CACNA1C: variants seen among roughly 807,000 people sequenced by gnomAD.
The protein encoded by CACNA1C is voltage-dependent L-type calcium channel subunit alpha-1C.
Under a neutral mutation model 229.0 loss-of-function variants are expected in CACNA1C, and 30 were observed. That is an observed-to-expected ratio of 0.13 (90% CI 0.10 to 0.18). The LOEUF (loss-of-function observed/expected upper bound fraction) is 0.18, where lower values mean the gene tolerates loss of function less well. CACNA1C is among the 10% of genes least tolerant of loss of function. CACNA1C has a pLI of 1.00. For synonymous variants in CACNA1C, 1,114 were observed against 1,132.5 expected (o/e 0.98, Z 0.33); for missense variants, 1,658 against 2,845.0 (o/e 0.58, Z 9.49).
intron 1 of CACNA1C, among the ~76,000 whole-genome samples, chr12:1,995,007 G>T (rs1272198051): frequency 6.6e-6 from 1 of 150,414 alleles, no homozygotes; most frequent in Non-Finnish European, 1.5e-5. Context: ...TTTTGCAGGG[G>T]ATAAGGGAGG....
chr12:2,513,697 A>T (rs1016392068), intron 9 of CACNA1C, among the ~76,000 whole-genome samples: 2 of 152,202 alleles, frequency 1.3e-5, no homozygotes, highest in African/African-American at 4.8e-5. Context: ...TCAGGCTCTT[A>T]CCAGACTAGC....
At chr12:2,125,127 G>A (rs1024397045) in intron 3 of CACNA1C, among the ~76,000 whole-genome samples, 7 of 152,248 alleles carry the variant, frequency 4.6e-5, no homozygotes, top group Admixed American at 6.5e-5. Flanking sequence ...TGTCAGGAAG[G>A]CTTAGCCTGA....
Position 2,512,755 on chromosome 12 carries a change from C to A in CACNA1C, c.1218-57C>A. 7.4e-7 allele frequency: 1 copy of A among 1,345,798 alleles called. No homozygotes were observed. Among genetic ancestry groups the A allele is most frequent in the Non-Finnish European group, 1.0e-6 (1 of 985,366 alleles). The allele number at this position is 1,345,798 out of a possible 1,614,324, so 83.4% of individuals were successfully genotyped here. On this transcript the variant is annotated intron_variant, in intron 8 of 46. Coordinates refer to ENST00000399655, the MANE Select transcript of CACNA1C (RefSeq NM_000719.7). The surrounding 1 kb of genome is among the most constrained non-coding windows in gnomAD (Gnocchi z 4.3). ...CTCTCCTTCCATCCTCGACCCTTCT[C>A]GGTGCTCCCTCCTTCTCTGTGCTCT...
At chr12:2,522,511 G>A (rs538993885) in intron 9 of CACNA1C, among the ~76,000 whole-genome samples, 10 of 152,302 alleles carry the variant, frequency 6.6e-5, no homozygotes, top group South Asian at 4.1e-4. Context: ...ATGATTTGGC[G>A]TTGAGAAAGT....
chr12:2,357,969 T>G (rs1200605237), intron 3 of CACNA1C, among the ~76,000 whole-genome samples: 1 of 56,766 alleles, frequency 1.8e-5, no homozygotes, highest in Admixed American at 2.1e-4. Flanking sequence ...AAACTCAGTC[T>G]CAAAAAAAAA....
intron 45 of CACNA1C, among the ~76,000 whole-genome samples, chr12:2,688,126 G>A (rs966924984): frequency 6.6e-6 from 1 of 152,196 alleles, no homozygotes; most frequent in East Asian, 1.9e-4. Flanking sequence ...ACAAAACCAA[G>A]AGCGAGAGAA....
chr12:2,255,283 A>C (rs2076996643), intron 3 of CACNA1C, among the ~76,000 whole-genome samples: 1 of 152,090 alleles, frequency 6.6e-6, no homozygotes, highest in African/African-American at 2.4e-5. Context: ...AAAAAAAAAA[A>C]AAACCTAGTT....
At chr12:2,606,942 GAT>G in intron 25 of CACNA1C, 40 bp from the exon 26 acceptor site, 1 of 1,604,906 alleles carries the variant, frequency 6.2e-7, no homozygotes, top group Non-Finnish European at 8.5e-7. Context: ...CGTGAAGGAA[GAT>G]GGGAGATCCC....
chr12:2,235,014 T>C (rs2066780803), intron 3 of CACNA1C, among the ~76,000 whole-genome samples: 1 of 152,138 alleles, frequency 6.6e-6, no homozygotes, highest in African/African-American at 2.4e-5. Context: ...ATAGCCTTTG[T>C]GGGATGGTGC....
chr12:2,043,165 G>A (rs936297950), intron 1 of CACNA1C, among the ~76,000 whole-genome samples: 1 of 152,172 alleles, frequency 6.6e-6, no homozygotes, highest in African/African-American at 2.4e-5. Context: ...ATCATTGACT[G>A]ATATTATGCT....
At chr12:2,598,702 C>T (rs1293023755) in intron 21 of CACNA1C, among the ~76,000 whole-genome samples, 2 of 152,348 alleles carry the variant, frequency 1.3e-5, no homozygotes, top group Admixed American at 6.5e-5. Flanking sequence ...GAGACTCCCT[C>T]ATCATGGCCC....
chr12:2,629,200 G>A (rs558664615), intron 29 of CACNA1C, among the ~76,000 whole-genome samples: 1 of 152,340 alleles, frequency 6.6e-6, no homozygotes, highest in East Asian at 1.9e-4. Flanking sequence ...GGAAGCCTCT[G>A]GACTCTGGTT....
chr12:2,489,412 CG>C (rs1567989019), intron 6 of CACNA1C, among the ~76,000 whole-genome samples: 1 of 152,200 alleles, frequency 6.6e-6, no homozygotes, highest in East Asian at 1.9e-4. Context: ...CCGGTGAAGG[CG>C]GTCTCAGAAG....
intron 1 of CACNA1C, among the ~76,000 whole-genome samples, chr12:2,011,563 C>T (rs986135885): frequency 9.2e-5 from 14 of 152,172 alleles, no homozygotes; most frequent in Non-Finnish European, 1.2e-4. Context: ...TACGCAGCTA[C>T]GGATTCTGTG....
chr12:2,450,553 C>CAAAAAAAAAAAA (rs796416420), intron 4 of CACNA1C, among the ~76,000 whole-genome samples: 1 of 39,016 alleles, frequency 2.6e-5, no homozygotes, highest in African/African-American at 8.4e-5. Context: ...GACTCCATCT[C>CAAAAAAAAAAAA]AAAAAAAAAA....
At chr12:2,650,540 C>T (rs1252315730) in intron 31 of CACNA1C, among the ~76,000 whole-genome samples, 2 of 152,142 alleles carry the variant, frequency 1.3e-5, no homozygotes, top group African/African-American at 4.8e-5. Context: ...GCTGCACTAG[C>T]TCCGGATTTG....
At chr12:2,485,562 G>A (rs1159928235) in intron 5 of CACNA1C, among the ~76,000 whole-genome samples, 1 of 152,052 alleles carries the variant, frequency 6.6e-6, no homozygotes, top group East Asian at 1.9e-4. Flanking sequence ...TTTTCTTGTG[G>A]TAATAAGAAC....
chr12:2,268,059 C>A (rs559523042), intron 3 of CACNA1C, among the ~76,000 whole-genome samples: 3 of 152,322 alleles, frequency 2.0e-5, no homozygotes, highest in East Asian at 3.9e-4. Context: ...AGAATAACAA[C>A]CATATGGGGC....
intron 3 of CACNA1C, among the ~76,000 whole-genome samples, chr12:2,223,701 T>C (rs897099543): frequency 5.3e-5 from 8 of 152,208 alleles, no homozygotes; most frequent in South Asian, 2.1e-4. Flanking sequence ...CTTCCTCTTA[T>C]AGAGTTGTTT....
Sources: gnomAD v4.1 joint callset for allele counts (sites outside exome capture counted in the v4.1 genomes callset) on GRCh38, gnomAD v4.1.1 for gene constraint, Gnocchi (gnomAD v3.1) non-coding constraint, MANE v1.5 for transcripts, NCBI Gene and HGNC (gene_info 2026-07-23, HGNC 2026-07-21) for gene names.